Variants in SMYD3 observed in about 807,000 individuals in gnomAD.
SMYD3 encodes SET and MYND domain containing 3, also known as histone-lysine N-methyltransferase SMYD3.
SMYD3 carries 36 observed loss-of-function variants against 57.7 expected under a neutral mutation model. The observed-to-expected ratio is 0.62, with a 90% CI of 0.48 to 0.82. The LOEUF (loss-of-function observed/expected upper bound fraction) is 0.82. Among genes scored for constraint, SMYD3 ranks in the 40% least tolerant of loss-of-function variants. SMYD3 has a pLI of 0.00. For synonymous variants in SMYD3, 211 were observed against 195.0 expected, an observed-to-expected ratio of 1.08 and a Z score of -0.68; for missense variants, 515 against 538.8, an observed-to-expected ratio of 0.96 and a Z score of 0.44.
intron 10 of SMYD3, among the ~76,000 whole-genome samples, chr1:245,831,529 T>C (rs1254937043): frequency 6.6e-6 from 1 of 152,214 alleles, no homozygotes; most frequent in Non-Finnish European, 1.5e-5. Flanking sequence ...GAAGTTTCCA[T>C]CAGTGAGAAA....
intron 5 of SMYD3, among the ~76,000 whole-genome samples, chr1:246,066,608 A>C (rs2060344164): frequency 6.6e-6 from 1 of 152,212 alleles, no homozygotes; most frequent in South Asian, 2.1e-4. Context: ...ATTTGAGCTA[A>C]ACTCGAAATG....
At chr1:245,934,436 A>AT (rs535569777) in intron 5 of SMYD3, among the ~76,000 whole-genome samples, 3 of 152,162 alleles carry the variant, frequency 2.0e-5, no homozygotes, top group African/African-American at 7.2e-5. Flanking sequence ...TTAAGTACAG[A>AT]TTTTTTTCCA....
At chr1:246,468,788 C>G (rs1461887030) in intron 1 of SMYD3, among the ~76,000 whole-genome samples, 2 of 152,036 alleles carry the variant, frequency 1.3e-5, no homozygotes, top group African/African-American at 4.8e-5. Context: ...CCAGACTAGA[C>G]AACAAAGCAA....
At position 245,763,666 on chromosome 1, in the gene SMYD3, G is replaced by A. The variant is rs919628737; in HGVS notation, c.1185+375C>T. ...CAAGGGCTTGCCACGCGAGGGACAC[G>A]GACTGTGTTCCGTGGGCAATGGGGA... On this transcript the variant is annotated intron_variant, in intron 11 of 11. Transcript: ENST00000490107. Among the ~76,000 whole-genome samples the A allele has an allele frequency of 5.9e-5, 9 of 152,088 alleles. No homozygotes were observed. In the South Asian group the frequency reaches 6.3e-4, roughly 11 times the overall value.
intron 1 of SMYD3, among the ~76,000 whole-genome samples, chr1:246,489,439 T>C (rs4654271): frequency 0.053 from 8,051 of 152,166 alleles, 351 homozygotes; most frequent in African/African-American, 0.12. Flanking sequence ...TTACTCCTCA[T>C]GAAGATCACG....
chr1:245,966,660 T>G (rs1197462607), intron 5 of SMYD3, among the ~76,000 whole-genome samples: 1 of 152,104 alleles, frequency 6.6e-6, no homozygotes, highest in Non-Finnish European at 1.5e-5. Flanking sequence ...TCAACCAGAG[T>G]GCTCAAGATC....
intron 5 of SMYD3, among the ~76,000 whole-genome samples, chr1:246,211,163 G>A (rs1412930259): frequency 6.6e-6 from 1 of 152,124 alleles, no homozygotes; most frequent in African/African-American, 2.4e-5. Flanking sequence ...CCAGGAAAGA[G>A]GAGTGAGGGA....
At chr1:246,160,742 T>C (rs1350419196) in intron 5 of SMYD3, among the ~76,000 whole-genome samples, 2 of 152,222 alleles carry the variant, frequency 1.3e-5, no homozygotes, top group Non-Finnish European at 2.9e-5. Flanking sequence ...CACAGAGCTA[T>C]AGCAAGCTCT....
chr1:246,071,061 T>C (rs888070460), intron 5 of SMYD3, among the ~76,000 whole-genome samples: 3 of 152,208 alleles, frequency 2.0e-5, no homozygotes, highest in South Asian at 2.1e-4. Flanking sequence ...AAGATTACAA[T>C]AGGATAAATT....
intron 5 of SMYD3, among the ~76,000 whole-genome samples, chr1:246,286,132 G>A (rs991480576): frequency 1.3e-5 from 2 of 152,094 alleles, no homozygotes; most frequent in East Asian, 3.9e-4. Flanking sequence ...CCCACTACTC[G>A]GTATCTACCC....
chr1:245,939,550 C>G (rs761812502), intron 5 of SMYD3, among the ~76,000 whole-genome samples: 1 of 152,070 alleles, frequency 6.6e-6, no homozygotes, highest in Non-Finnish European at 1.5e-5. Context: ...TCGCTTGAAC[C>G]CAGGAGGCAG....
intron 5 of SMYD3, among the ~76,000 whole-genome samples, chr1:246,008,271 T>C (rs1357115975): frequency 6.6e-6 from 1 of 151,960 alleles, no homozygotes; most frequent in Non-Finnish European, 1.5e-5. Context: ...AACTGTGTCC[T>C]TATCCACAGA....
intron 5 of SMYD3, among the ~76,000 whole-genome samples, chr1:246,204,033 C>T (rs2062959265): frequency 6.6e-6 from 1 of 152,130 alleles, no homozygotes; most frequent in South Asian, 2.1e-4. Flanking sequence ...GATCACTATC[C>T]ATTGCCAGCT....
At chr1:245,998,954 C>A (rs2105158) in intron 5 of SMYD3, among the ~76,000 whole-genome samples, 15,418 of 152,096 alleles carry the variant, frequency 0.1, 953 homozygotes, top group South Asian at 0.23. Context: ...GTCAAACTCA[C>A]AGAGACGCAA....
chr1:246,014,112 C>T (rs1028979041), intron 5 of SMYD3, among the ~76,000 whole-genome samples: 5 of 152,170 alleles, frequency 3.3e-5, no homozygotes, highest in African/African-American at 4.8e-5. Context: ...ATCATGAGGT[C>T]GGGTGTTCGA....
intron 10 of SMYD3, among the ~76,000 whole-genome samples, chr1:245,855,867 C>T (rs1286379305): frequency 6.6e-6 from 1 of 152,196 alleles, no homozygotes; most frequent in Non-Finnish European, 1.5e-5. Flanking sequence ...AAAGACTTGA[C>T]CTCCATCTAG....
intron 5 of SMYD3, among the ~76,000 whole-genome samples, chr1:246,235,234 T>G (rs1401807285): frequency 6.6e-6 from 1 of 152,320 alleles, no homozygotes; most frequent in African/African-American, 2.4e-5. Context: ...CTGGAAAGTG[T>G]CATAAATCCT....
intron 5 of SMYD3, among the ~76,000 whole-genome samples, chr1:246,030,406 G>A (rs1345428211): frequency 6.6e-6 from 1 of 152,182 alleles, no homozygotes; most frequent in Non-Finnish European, 1.5e-5. Context: ...TGTGGGTATT[G>A]GAGGCTGGGA....
At chr1:246,282,797 C>A (rs530050148) in intron 5 of SMYD3, among the ~76,000 whole-genome samples, 29 of 152,140 alleles carry the variant, frequency 1.9e-4, no homozygotes, top group Non-Finnish European at 2.9e-4. Context: ...TTATTCATGA[C>A]TAGAATAACT....
Sources: allele counts gnomAD v4.1 joint callset (sites outside exome capture counted in the v4.1 genomes callset), GRCh38; gene constraint gnomAD v4.1.1; transcripts MANE v1.5; gene names NCBI Gene and HGNC (gene_info 2026-07-23, HGNC 2026-07-21).